Variants in FGF14 observed in about 807,000 individuals in gnomAD.
The protein encoded by FGF14 is fibroblast growth factor homologous factor 4.
FGF14 carries 5 observed loss-of-function variants against 25.5 expected under a neutral mutation model. That is an observed-to-expected ratio of 0.20 (90% CI 0.10 to 0.41). FGF14 has a LOEUF of 0.41. Ranked by LOEUF, FGF14 falls within the 10% of genes least tolerant of loss-of-function variation. The probability of loss-of-function intolerance (pLI) is 1.00; values close to 1 mark genes in which losing one functional copy is unlikely to be tolerated. For missense variants in FGF14, 222 were observed against 320.1 expected, an observed-to-expected ratio of 0.69 and a Z score of 2.34; for synonymous variants, 138 against 118.3, an observed-to-expected ratio of 1.17 and a Z score of -1.08.
At chr13:102,166,331 A>G (rs993513683) in intron 1 of FGF14, among the ~76,000 whole-genome samples, 1 of 152,186 alleles carries the variant, frequency 6.6e-6, no homozygotes, top group African/African-American at 2.4e-5. Flanking sequence ...GTAATCTATT[A>G]AATAGATTTA....
chr13:101,739,354 C>A (rs1199941994), intron 3 of FGF14, among the ~76,000 whole-genome samples: 1 of 151,744 alleles, frequency 6.6e-6, no homozygotes, highest in African/African-American at 2.4e-5. Flanking sequence ...CATAGTTTAC[C>A]ATTTTTTGAA....
At chr13:102,256,162 G>A (rs1373015779) in intron 1 of FGF14, among the ~76,000 whole-genome samples, 1 of 151,940 alleles carries the variant, frequency 6.6e-6, no homozygotes, top group East Asian at 1.9e-4. Context: ...TGGAAGAGAG[G>A]GAGAAATGAA....
chr13:102,328,457 C>T (rs2056531574), intron 1 of FGF14, among the ~76,000 whole-genome samples: 1 of 152,218 alleles, frequency 6.6e-6, no homozygotes, highest in African/African-American at 2.4e-5. Flanking sequence ...TCTACCTCCT[C>T]TATTTTCCCA....
chr13:101,731,876 T>A (rs1015242080), intron 3 of FGF14, among the ~76,000 whole-genome samples: 31 of 152,300 alleles, frequency 2.0e-4, no homozygotes, highest in African/African-American at 6.7e-4. Context: ...GCATTTACAC[T>A]ACAAATTTCA....
intron 3 of FGF14, among the ~76,000 whole-genome samples, chr13:101,863,442 A>G (rs2140423149): frequency 6.6e-6 from 1 of 152,308 alleles, no homozygotes; most frequent in East Asian, 1.9e-4. Flanking sequence ...ACTGCCTGGT[A>G]GCAAACAACA....
intron 1 of FGF14, among the ~76,000 whole-genome samples, chr13:102,224,247 G>A (rs541475443): frequency 1.2e-4 from 18 of 151,968 alleles, no homozygotes; most frequent in Non-Finnish European, 2.5e-4. Flanking sequence ...GCTCTCCCCC[G>A]TATTACATCG....
intron 3 of FGF14, among the ~76,000 whole-genome samples, chr13:101,802,901 G>A (rs891154354): frequency 5.9e-5 from 9 of 152,086 alleles, no homozygotes; most frequent in Admixed American, 2.6e-4. Flanking sequence ...CCCTGGCTTC[G>A]TGTTGAGGCT....
intron 1 of FGF14, among the ~76,000 whole-genome samples, chr13:102,401,182 T>C (rs935122332): frequency 1.3e-5 from 2 of 151,374 alleles, no homozygotes; most frequent in Non-Finnish European, 2.9e-5. Context: ...CCTTCACTAT[T>C]CCACCAAACA....
Position 102,209,860 on chromosome 13 carries a change from G to A in FGF14, c.208+191611C>T, listed in dbSNP as rs572288153. ...AAACAAATTTTTAATTAAAAACTGG[G>A]AAGAGAGGAAAGACAAATATATCTT... On this transcript the variant is annotated intron_variant, in intron 1 of 4. Transcript: ENST00000376131. Among the ~76,000 whole-genome samples, 4 of 152,156 alleles carry A rather than the reference G, an allele frequency of 2.6e-5. No homozygotes were observed. In the East Asian group the frequency reaches 7.7e-4, roughly 29 times the overall value.
intron 1 of FGF14, among the ~76,000 whole-genome samples, chr13:102,117,007 CCT>C (rs1305303175): frequency 6.6e-6 from 1 of 152,158 alleles, no homozygotes; most frequent in East Asian, 1.9e-4. Context: ...CTCCCACTCC[CCT>C]GTCCTTGGGA....
At chr13:102,329,033 C>A (rs1348981224) in intron 1 of FGF14, among the ~76,000 whole-genome samples, 1 of 152,170 alleles carries the variant, frequency 6.6e-6, no homozygotes. Context: ...ACCTCTCAGA[C>A]TGTCACCCCA....
At chr13:101,884,910 ACGCTGCCCCTTT>A (rs1394051075) in intron 1 of FGF14, among the ~76,000 whole-genome samples, 1 of 152,016 alleles carries the variant, frequency 6.6e-6, no homozygotes, top group African/African-American at 2.4e-5. Flanking sequence ...AGTATGGCAA[ACGCTGCCCCTTT>A]CTTCTTAGGG....
intron 3 of FGF14, among the ~76,000 whole-genome samples, chr13:101,844,393 T>C (rs570187908): frequency 1.3e-5 from 2 of 152,158 alleles, no homozygotes; most frequent in South Asian, 4.1e-4. Flanking sequence ...TCACCTTCCA[T>C]AGAAATCTTT....
intron 1 of FGF14, among the ~76,000 whole-genome samples, chr13:102,053,778 C>T (rs2042315729): frequency 6.6e-6 from 1 of 152,004 alleles, no homozygotes; most frequent in Admixed American, 6.6e-5. Flanking sequence ...GTACTTTGCA[C>T]AGCTGGGATT....
At chr13:102,338,539 A>G (rs2056854310) in intron 1 of FGF14, among the ~76,000 whole-genome samples, 1 of 152,226 alleles carries the variant, frequency 6.6e-6, no homozygotes, top group Admixed American at 6.5e-5. Context: ...TAATGAACAT[A>G]AGTAGAAAAA....
Position 102,116,051 on chromosome 13 carries a change from G to A in FGF14, c.209-240755C>T, listed in dbSNP as rs181178263. On this transcript the variant is annotated intron_variant, in intron 1 of 4. Transcript: ENST00000376131. The stretch of plus-strand genomic sequence containing the variant: ...CTTGAACCCAGGAGGCAGAAGTTGC[G>A]GTGAGCCGAGATCAAGCCACTAGAC... 1.1e-4 allele frequency among the ~76,000 whole-genome samples: 17 copies of A among 152,124 alleles called. No individual in the cohort carries two copies. In the East Asian group the frequency reaches 2.3e-3, roughly 21 times the overall value.
chr13:101,919,467 C>G (rs571602677), upstream of FGF14, among the ~76,000 whole-genome samples: 14 of 151,962 alleles, frequency 9.2e-5, no homozygotes, highest in African/African-American at 3.4e-4. Flanking sequence ...CATTAAGCTT[C>G]TTGTTCTTAT....
At chr13:101,822,183 T>C (rs1439816156) in intron 3 of FGF14, among the ~76,000 whole-genome samples, 1 of 152,192 alleles carries the variant, frequency 6.6e-6, no homozygotes, top group Non-Finnish European at 1.5e-5. Flanking sequence ...GTACATATAA[T>C]AGGTGGTAGG....
intron 1 of FGF14, among the ~76,000 whole-genome samples, chr13:102,391,776 G>C (rs983792163): frequency 1.1e-4 from 16 of 152,186 alleles, no homozygotes; most frequent in African/African-American, 3.9e-4. Context: ...ACAATAAAAT[G>C]CTAAGGCCAA....
Sources: gnomAD v4.1 joint callset for allele counts (sites outside exome capture counted in the v4.1 genomes callset) on GRCh38, gnomAD v4.1.1 for gene constraint, MANE v1.5 for transcripts, NCBI Gene and HGNC (gene_info 2026-07-23, HGNC 2026-07-21) for gene names.